The following CDK6 variants were observed in gnomAD, a reference collection of about 807,000 sequenced individuals.
The protein encoded by CDK6 is cyclin dependent kinase 6.
A neutral mutation model predicts 37.1 loss-of-function variants in CDK6; 6 were observed. That is an observed-to-expected ratio of 0.16 (90% CI 0.09 to 0.32). The LOEUF (loss-of-function observed/expected upper bound fraction) is 0.32, where lower values mean the gene tolerates loss of function less well. CDK6 is among the 10% of genes least tolerant of loss of function. CDK6 has a pLI of 1.00. For synonymous variants in CDK6, 160 were observed against 161.3 expected, an observed-to-expected ratio of 0.99 and a Z score of 0.06; for missense variants, 224 against 418.9, an observed-to-expected ratio of 0.53 and a Z score of 4.06.
chr7:92,714,790 GT>G (rs3831550), intron 4 of CDK6, among the ~76,000 whole-genome samples: 4,891 of 147,538 alleles, frequency 0.033, 92 homozygotes, highest in Non-Finnish European at 0.036. Context: ...AAGTTTTACA[GT>G]TTTTTTTTTT....
chr7:92,715,975 A>C (rs1158223072), intron 4 of CDK6, among the ~76,000 whole-genome samples: 2 of 152,202 alleles, frequency 1.3e-5, no homozygotes, highest in East Asian at 3.8e-4. Flanking sequence ...TCAAATAAAG[A>C]GGGATGAAGC....
intron 5 of CDK6, among the ~76,000 whole-genome samples, chr7:92,647,507 G>A (rs897272964): frequency 1.3e-5 from 2 of 152,292 alleles, no homozygotes; most frequent in South Asian, 2.1e-4. Flanking sequence ...TGAAGGGACC[G>A]ATATAACTGC....
intron 2 of CDK6, among the ~76,000 whole-genome samples, chr7:92,829,471 G>T (rs1774977363): frequency 6.6e-6 from 1 of 152,162 alleles, no homozygotes; most frequent in African/African-American, 2.4e-5. Flanking sequence ...ATGTATCAGG[G>T]TTATGGTGAT....
At chr7:92,642,147 A>C (rs2116537169) in intron 5 of CDK6, among the ~76,000 whole-genome samples, 1 of 152,258 alleles carries the variant, frequency 6.6e-6, no homozygotes, top group Non-Finnish European at 1.5e-5. Flanking sequence ...ACAAGGGAAG[A>C]CCAAGTAGGA....
chr7:92,751,608 G>A (rs778647712), intron 3 of CDK6, among the ~76,000 whole-genome samples: 2 of 152,088 alleles, frequency 1.3e-5, no homozygotes, highest in Admixed American at 6.6e-5. Context: ...AATAAATTAG[G>A]CTGTATCTTT....
chr7:92,734,651 A>G (rs1798739972), intron 3 of CDK6, among the ~76,000 whole-genome samples: 1 of 152,230 alleles, frequency 6.6e-6, no homozygotes, highest in Admixed American at 6.5e-5. Context: ...TATGAAGGCC[A>G]TTAGCTTAAA....
At chr7:92,830,190 C>G (rs1486147805) in intron 2 of CDK6, among the ~76,000 whole-genome samples, 1 of 152,202 alleles carries the variant, frequency 6.6e-6, no homozygotes, top group African/African-American at 2.4e-5. Flanking sequence ...CAGACACTCA[C>G]TGGCTGATCA....
At chr7:92,767,470 T>C (rs956267984) in intron 3 of CDK6, among the ~76,000 whole-genome samples, 1 of 152,196 alleles carries the variant, frequency 6.6e-6, no homozygotes, top group Non-Finnish European at 1.5e-5. Context: ...GAAGATTTTA[T>C]TTCTCTCTAC....
chr7:92,778,946 T>TATATATAAAA (rs1479181745), intron 2 of CDK6, among the ~76,000 whole-genome samples: 2 of 135,012 alleles, frequency 1.5e-5, no homozygotes, highest in African/African-American at 6.0e-5. Context: ...TATATATATA[T>TATATATAAAA]AAGATATTAT....
At chr7:92,649,222 T>C (rs754118681) in intron 5 of CDK6, among the ~76,000 whole-genome samples, 1 of 152,236 alleles carries the variant, frequency 6.6e-6, no homozygotes, top group Non-Finnish European at 1.5e-5. Flanking sequence ...AGCATGCCCA[T>C]TATTATCTCA....
chr7:92,694,529 T>C (rs1043593590), intron 4 of CDK6, among the ~76,000 whole-genome samples: 4 of 152,138 alleles, frequency 2.6e-5, no homozygotes, highest in Non-Finnish European at 5.9e-5. Context: ...TAAAGCAAAA[T>C]TGGAATTCCA....
chr7:92,768,719 G>GTGATAAACAGAGTA (rs1799642274), intron 3 of CDK6, among the ~76,000 whole-genome samples: 1 of 152,154 alleles, frequency 6.6e-6, no homozygotes, highest in Non-Finnish European at 1.5e-5. Context: ...AATTTCAAAT[G>GTGATAAACAGAGTA]TGATAAACAG....
At position 92,771,418 on chromosome 7, in the gene CDK6, T is replaced by C. The variant is rs562225871; in HGVS notation, c.369+3278A>G. On this transcript the variant is annotated intron_variant, in intron 3 of 7. Coordinates refer to ENST00000424848, the MANE Select transcript of CDK6 (RefSeq NM_001145306.2). ...ACGTTTTAATCTATGCAAGACAATGTCAATATTAATACCTATGATTTGGAT... is the reference window on the plus strand; with the variant it reads ...ACGTTTTAATCTATGCAAGACAATGCCAATATTAATACCTATGATTTGGAT... 1.9e-4 allele frequency among the ~76,000 whole-genome samples: 29 copies of C among 152,174 alleles called. No homozygotes were observed. The East Asian group carries it at 5.6e-3, about 29-fold the overall frequency.
intron 3 of CDK6, among the ~76,000 whole-genome samples, chr7:92,760,182 A>C (rs901938837): frequency 2.0e-5 from 3 of 152,184 alleles, no homozygotes; most frequent in Non-Finnish European, 2.9e-5. Flanking sequence ...GCTTCCATTT[A>C]CAATCAAGTG....
At chr7:92,731,670 A>G (rs1487136630) in intron 3 of CDK6, among the ~76,000 whole-genome samples, 1 of 152,202 alleles carries the variant, frequency 6.6e-6, no homozygotes, top group Non-Finnish European at 1.5e-5. Context: ...TTCTGAAATG[A>G]GAACAGAACC....
chr7:92,719,768 A>C (rs994854936), intron 4 of CDK6, among the ~76,000 whole-genome samples: 34 of 152,186 alleles, frequency 2.2e-4, no homozygotes, highest in African/African-American at 8.0e-4. Context: ...GAATGACCTC[A>C]TTTTAGGGTA....
intron 3 of CDK6, among the ~76,000 whole-genome samples, chr7:92,772,967 C>T (rs563869249): frequency 6.6e-6 from 1 of 151,936 alleles, no homozygotes; most frequent in East Asian, 1.9e-4. Context: ...AAAGATACTC[C>T]CCAAATAACT....
chr7:92,707,000 A>G (rs1485400970), intron 4 of CDK6, among the ~76,000 whole-genome samples: 4 of 152,232 alleles, frequency 2.6e-5, no homozygotes, highest in African/African-American at 7.2e-5. Flanking sequence ...CTTTTGAGAA[A>G]TAATAATGAA....
intron 3 of CDK6, among the ~76,000 whole-genome samples, chr7:92,728,589 T>A (rs752324709): frequency 6.6e-6 from 1 of 152,168 alleles, no homozygotes; most frequent in Non-Finnish European, 1.5e-5. Context: ...TAGTTCTTGT[T>A]TGTTTAAAGG....
Sources: gnomAD v4.1 joint callset for allele counts (sites outside exome capture counted in the v4.1 genomes callset) on GRCh38, gnomAD v4.1.1 for gene constraint, MANE v1.5 for transcripts, NCBI Gene and HGNC (gene_info 2026-07-23, HGNC 2026-07-21) for gene names.